NRK: variants seen among roughly 807,000 people sequenced by gnomAD.
The protein encoded by NRK is nik-related protein kinase.
A neutral mutation model predicts 125.2 loss-of-function variants in NRK; 67 were observed. The observed-to-expected ratio is 0.54, with a 90% CI of 0.44 to 0.66. NRK has a LOEUF of 0.66. Ranked by LOEUF, NRK falls within the 30% of genes least tolerant of loss-of-function variation. The pLI, the probability that NRK is intolerant of heterozygous loss-of-function variation, is 0.00. For synonymous variants in NRK, 458 were observed against 429.0 expected (o/e 1.07, Z -0.84); for missense variants, 1,224 against 1,192.9 (o/e 1.03, Z -0.38).
At chrX:105,950,595 G>C (rs1414243101) in intron 27 of NRK, among the ~76,000 whole-genome samples, 1 of 105,215 alleles carries the variant, frequency 9.5e-6, no homozygotes, top group Non-Finnish European at 2.0e-5. Context: ...GAGAGAGAGA[G>C]ACTTAACAAT....
intron 2 of NRK, among the ~76,000 whole-genome samples, chrX:105,845,617 A>G (rs2039390814): frequency 8.9e-6 from 1 of 112,148 alleles, no homozygotes; most frequent in African/African-American, 3.2e-5. Context: ...AACCTTACAC[A>G]GAATCAACTT....
intron 18 of NRK, among the ~76,000 whole-genome samples, chrX:105,923,774 A>G (rs1006411993): frequency 1.9e-5 from 2 of 106,510 alleles, no homozygotes; most frequent in African/African-American, 6.8e-5. Flanking sequence ...CCTACTCTAT[A>G]AAACTATACT....
At position 105,895,490 on chromosome X, in the gene NRK, G is replaced by A; in HGVS notation, c.547G>A (p.Val183Met). ...TCACCGGGACATCAAAGGTCAGAAT[G>A]TGCTGCTGACTCATAATGCTGAAGT... ...VIHRDIKGQN[V>M]LLTHNAEVKL... Residue 183 changes from valine (V) to methionine (M), a missense_variant, in exon 7 of 29, where the codon GTG becomes ATG. By Grantham distance (21) the Val-to-Met change is conservative. Coordinates refer to ENST00000243300, the MANE Select transcript of NRK (RefSeq NM_198465.4). 7 of 1,200,457 alleles carry A rather than the reference G, an allele frequency of 5.8e-6. No homozygotes were observed. The highest frequency in any genetic ancestry group is 7.9e-6 in the Non-Finnish European group (7 of 885,360).
intron 2 of NRK, among the ~76,000 whole-genome samples, chrX:105,852,744 G>A (rs1041329547): frequency 1.8e-5 from 2 of 111,343 alleles, no homozygotes; most frequent in African/African-American, 6.5e-5. Flanking sequence ...CAGTTGAAGT[G>A]GCATGAGTGT....
chrX:105,902,805 C>G (rs1391355827), intron 9 of NRK, among the ~76,000 whole-genome samples: 1 of 111,440 alleles, frequency 9.0e-6, no homozygotes, highest in African/African-American at 3.3e-5. Flanking sequence ...GAATCCAACT[C>G]ATGCCTGCTG....
rs780965637 is a variant in NRK at position 105,934,264 on chromosome X, G to A, written c.3319G>A (p.Gly1107Ser). The A allele has an allele frequency of 1.5e-5, 17 of 1,167,852 alleles. No homozygotes were observed. Among genetic ancestry groups the A allele is most frequent in the Middle Eastern group, 2.4e-4 (1 of 4,186 alleles). ...GTTTTTGGACTTCTTTTAGGAGCCA[G>A]GTGGTGGAAATGAGGCCTCAAATGC... The part of the protein sequence containing the change: ...QDFEYLQEEP[G>S]GGNEASNAID... The change falls in exon 20 of 29, where the codon GGT becomes AGT. Residue 1107 changes from glycine to serine, a missense_variant. Coordinates refer to ENST00000243300, the MANE Select transcript of NRK (RefSeq NM_198465.4).
chrX:105,901,420 A>G (rs1045448789), intron 9 of NRK, among the ~76,000 whole-genome samples: 24 of 111,652 alleles, frequency 2.1e-4, no homozygotes, highest in African/African-American at 7.8e-4. Flanking sequence ...AGTATAAATG[A>G]CAATGCATCT....
intron 2 of NRK, among the ~76,000 whole-genome samples, chrX:105,866,921 T>C (rs1486683382): frequency 9.0e-6 from 1 of 111,246 alleles, no homozygotes; most frequent in East Asian, 2.8e-4. Context: ...TCAAGTTCTT[T>C]GGTAGCCCTA....
chrX:105,923,526 G>A (rs914554296), intron 18 of NRK, 44 bp downstream of exon 18: 3 of 971,077 alleles, frequency 3.1e-6, no homozygotes, highest in Non-Finnish European at 4.0e-6. Flanking sequence ...TTTTATGACT[G>A]CAGAGCTATT....
intron 19 of NRK, among the ~76,000 whole-genome samples, chrX:105,931,284 C>G (rs1049810403): frequency 8.9e-6 from 1 of 112,125 alleles, no homozygotes; most frequent in African/African-American, 3.2e-5. Flanking sequence ...ACAGTGTTTA[C>G]TGGCCCCCAG....
At chrX:105,855,507 A>C (rs907866995) in intron 2 of NRK, among the ~76,000 whole-genome samples, 5 of 110,989 alleles carry the variant, frequency 4.5e-5, no homozygotes, top group African/African-American at 1.3e-4. Context: ...AGGGCCTCTC[A>C]CCTCCTCTAG....
At chrX:105,858,322 T>G (rs2039558055) in intron 2 of NRK, among the ~76,000 whole-genome samples, 1 of 109,971 alleles carries the variant, frequency 9.1e-6, no homozygotes, top group Non-Finnish European at 1.9e-5. Context: ...AATGGGCAAA[T>G]TTTACTGATG....
chrX:105,938,067 A>G (rs2040688622), intron 22 of NRK, among the ~76,000 whole-genome samples: 2 of 111,827 alleles, frequency 1.8e-5, no homozygotes, highest in Non-Finnish European at 3.8e-5. Context: ...ACCTTTTCCA[A>G]ATAGTAGTTA....
chrX:105,847,749 G>A (rs1263024481), intron 2 of NRK, among the ~76,000 whole-genome samples: 1 of 111,940 alleles, frequency 8.9e-6, no homozygotes, highest in Non-Finnish European at 1.9e-5. Context: ...CACAAGTTTA[G>A]AGTATGCAGC....
intron 26 of NRK, among the ~76,000 whole-genome samples, 185 bp downstream of exon 26, chrX:105,946,649 T>G (rs144355541): frequency 0.012 from 1,342 of 112,180 alleles, 8 homozygotes; most frequent in Non-Finnish European, 0.018. Flanking sequence ...GATGATTCCT[T>G]AGTTTAGAAA....
intron 13 of NRK, among the ~76,000 whole-genome samples, chrX:105,912,122 C>A (rs1422461783): frequency 9.0e-6 from 1 of 111,380 alleles, no homozygotes; most frequent in Admixed American, 9.5e-5. Context: ...TTTTATTAAT[C>A]TTTCAGTTGA....
intron 9 of NRK, among the ~76,000 whole-genome samples, chrX:105,901,710 A>T (rs1327210226): frequency 8.9e-6 from 1 of 111,779 alleles, no homozygotes. Flanking sequence ...TAAAGCTAGG[A>T]CACCTGTGGA....
At chrX:105,947,923 G>T (rs2040838735) in intron 26 of NRK, among the ~76,000 whole-genome samples, 2 of 111,787 alleles carry the variant, frequency 1.8e-5, no homozygotes, top group Non-Finnish European at 3.8e-5. Flanking sequence ...CTCAGTTGTT[G>T]CCCATGATTA....
At chrX:105,913,837 ATGTTT>A (rs911938477) in intron 14 of NRK, among the ~76,000 whole-genome samples, 1 of 110,590 alleles carries the variant, frequency 9.0e-6, no homozygotes, top group African/African-American at 3.3e-5. Context: ...CATTTAATCT[ATGTTT>A]TGTTTTGTTT....
Sources: allele counts gnomAD v4.1 joint callset (sites outside exome capture counted in the v4.1 genomes callset), GRCh38; gene constraint gnomAD v4.1.1; transcripts MANE v1.5; gene names NCBI Gene and HGNC (gene_info 2026-07-23, HGNC 2026-07-21).